Variants in ODR4 observed in about 807,000 individuals in gnomAD.
ODR4 encodes the protein odr-4 GPCR localization factor homolog, also known as protein odr-4 homolog.
Under a neutral mutation model 60.2 loss-of-function variants are expected in ODR4, and 47 were observed. That is an observed-to-expected ratio of 0.78 (90% CI 0.62 to 1.00). The LOEUF is 1.00. ODR4 is among the 50% of genes least tolerant of loss of function. ODR4 has a pLI of 0.00. For synonymous variants in ODR4, 178 were observed against 175.5 expected (o/e 1.01, Z -0.11); for missense variants, 488 against 530.8 (o/e 0.92, Z 0.79).
rs1158491390 is a variant in ODR4 at position 186,386,083 on chromosome 1, A to G, written c.330A>G (p.Arg110=). The G allele has an allele frequency of 8.4e-6, 13 of 1,555,622 alleles. No homozygotes were observed. The highest frequency in any genetic ancestry group is 1.1e-5 in the Non-Finnish European group (12 of 1,140,724). Residue 110 remains arginine (R), a splice_region_variant and synonymous_variant, in exon 4 of 14, where the codon AGA becomes AGG. Coordinates refer to ENST00000287859, the MANE Select transcript of ODR4 (RefSeq NM_017847.6). ...LANDFQNALR[R]LMFAVEKSIN... is the part of the protein sequence containing the mutation. Reference sequence around the variant, plus strand: ...ATGATTTTCAAAATGCCCTGCGTAGAGTAAGTTTGATATATCGAAAATTCT... The same window carrying G: ...ATGATTTTCAAAATGCCCTGCGTAGGGTAAGTTTGATATATCGAAAATTCT...
At chr1:186,377,374 A>C (rs1283748661) in intron 1 of ODR4, among the ~76,000 whole-genome samples, 1 of 152,216 alleles carries the variant, frequency 6.6e-6, no homozygotes, top group Non-Finnish European at 1.5e-5. Flanking sequence ...ATTTTGAAAG[A>C]GCACTAAAGA....
chr1:186,383,001 CT>C lies in ODR4; in HGVS notation c.100-16del, dbSNP rs1660098798. 1.9e-6 allele frequency: 3 copies of C among 1,570,140 alleles called. No homozygotes were observed. Among genetic ancestry groups the C allele is most frequent in the Non-Finnish European group, 1.7e-6 (2 of 1,157,978 alleles). On this transcript the variant is annotated intron_variant, in intron 2 of 13. Transcript: ENST00000287859. ...AGGAATCAGATATCACTCTAACAAG[CT>C]TTTTAATTTGTTGTTGAAGTGTTCG...
intron 4 of ODR4, among the ~76,000 whole-genome samples, chr1:186,387,090 G>T (rs569365695): frequency 6.6e-6 from 1 of 151,462 alleles, no homozygotes; most frequent in East Asian, 1.9e-4. Context: ...AACCCCAACA[G>T]TATCCCAGAA....
chr1:186,393,840 G>C, intron 8 of ODR4, 107 bp from the exon 9 acceptor site: 1 of 644,250 alleles, frequency 1.6e-6, no homozygotes, highest in Non-Finnish European at 2.7e-6. Context: ...ATAATTAAAA[G>C]ACTTGTTTTT....
At chr1:186,383,409 CAAAT>C (rs1660116712) in intron 3 of ODR4, among the ~76,000 whole-genome samples, 1 of 151,752 alleles carries the variant, frequency 6.6e-6, no homozygotes, top group Non-Finnish European at 1.5e-5. Context: ...TATATATCAT[CAAAT>C]AAATAATGTT....
chr1:186,390,220 G>T (rs946829998), intron 6 of ODR4, among the ~76,000 whole-genome samples: 11 of 152,180 alleles, frequency 7.2e-5, no homozygotes, highest in Non-Finnish European at 1.3e-4. Flanking sequence ...TTTGGTAGCT[G>T]CACTGCCTAT....
At chr1:186,423,762 C>G (rs953688532), downstream of ODR4, among the ~76,000 whole-genome samples, 1 of 152,036 alleles carries the variant, frequency 6.6e-6, no homozygotes, top group African/African-American at 2.4e-5. Context: ...GCCACCACTT[C>G]TATTTATCAT....
Position 186,389,247 on chromosome 1 carries a change from A to G in ODR4, c.438-341A>G, listed in dbSNP as rs907876203. Among the ~76,000 whole-genome samples the G allele has an allele frequency of 6.6e-5, 10 of 152,028 alleles. No individual in the cohort carries two copies. The South Asian group carries it at 1.9e-3, about 28-fold the overall frequency. ...AATAAATAGTCTCAGGTTTGACCTC[A>G]TATAAAACAGTGGTACTTTTTCTTA... On this transcript the variant is annotated intron_variant, in intron 5 of 13. Transcript: ENST00000287859.
intron 6 of ODR4, among the ~76,000 whole-genome samples, chr1:186,389,927 A>T (rs887051910): frequency 6.6e-6 from 1 of 152,120 alleles, no homozygotes; most frequent in African/African-American, 2.4e-5. Flanking sequence ...AGCTGAGACT[A>T]TAGATGTGCA....
At chr1:186,383,867 G>A (rs1003919859) in intron 3 of ODR4, among the ~76,000 whole-genome samples, 10 of 151,952 alleles carry the variant, frequency 6.6e-5, no homozygotes, top group African/African-American at 9.6e-5. Flanking sequence ...GTGAAACCCC[G>A]TCTCTAGTAA....
intron 1 of ODR4, among the ~76,000 whole-genome samples, chr1:186,376,292 G>T (rs1392419864): frequency 2.0e-5 from 3 of 152,174 alleles, no homozygotes; most frequent in South Asian, 4.2e-4. Flanking sequence ...ACATTATATT[G>T]TTTTTAAAAT....
intron 11 of ODR4, among the ~76,000 whole-genome samples, chr1:186,402,534 G>A (rs1408187353): frequency 6.6e-6 from 1 of 151,386 alleles, no homozygotes; most frequent in African/African-American, 2.4e-5. Context: ...TGAGTAGCTG[G>A]GACTACAGGC....
downstream of ODR4, among the ~76,000 whole-genome samples, chr1:186,422,629 A>G (rs1007254496): frequency 1.3e-5 from 2 of 152,172 alleles, no homozygotes; most frequent in African/African-American, 2.4e-5. Context: ...TTTTTTAAAT[A>G]TTACATTTAC....
intron 1 of ODR4, among the ~76,000 whole-genome samples, chr1:186,379,392 G>A (rs753886765): frequency 6.0e-5 from 9 of 148,842 alleles, no homozygotes; most frequent in East Asian, 2.0e-4. Context: ...ACAGTGTGCC[G>A]AGGTTGCGCC....
intron 13 of ODR4, among the ~76,000 whole-genome samples, chr1:186,418,801 T>C (rs957862559): frequency 3.3e-5 from 5 of 152,396 alleles, no homozygotes; most frequent in Middle Eastern, 3.4e-3. Flanking sequence ...TGTCCAACAT[T>C]TGAAATCTAG....
rs772236600 is a variant in ODR4 at position 186,406,266 on chromosome 1, C to T, written c.1184C>T (p.Thr395Ile). 1 of 1,595,956 alleles carries T rather than the reference C, an allele frequency of 6.3e-7. No homozygotes were observed. The highest frequency in any genetic ancestry group is 8.5e-7 in the Non-Finnish European group (1 of 1,171,386). ...TTGGAAATTGCAGAGGAAACAAACA[C>T]AGGTCATTATATGATGCTATTTAAG... ...EDLEIAEETN[T>I]ACMSSSMNSQ... is the part of the protein sequence containing the mutation. Residue 395 changes from threonine (T) to isoleucine (I), a missense_variant and splice_region_variant, in exon 12 of 14, where the codon ACA becomes ATA. Thr to Ile is a moderately conservative substitution (Grantham distance 89). Coordinates refer to ENST00000287859, the MANE Select transcript of ODR4 (RefSeq NM_017847.6).
rs1185478284 is a variant in ODR4, at chr1:186,394,106, G to A, written c.780+91G>A. Reference sequence around the variant, plus strand: ...TTATTTTTCTCATTAGAGAATAAAAGGATTTTAGAGCTGTAAGAGACTGTA... The same window carrying A: ...TTATTTTTCTCATTAGAGAATAAAAAGATTTTAGAGCTGTAAGAGACTGTA... On this transcript the variant is annotated intron_variant, in intron 9 of 13. Transcript: ENST00000287859. 6.4e-6 allele frequency: 5 copies of A among 778,884 alleles called. No homozygotes were observed. In the East Asian group the frequency reaches 1.4e-4, roughly 22 times the overall value. The allele number at this position is 778,884 out of a possible 1,614,324, so 48.2% of individuals were successfully genotyped here.
chr1:186,418,443 A>G (rs571392378), intron 13 of ODR4, among the ~76,000 whole-genome samples: 1 of 151,894 alleles, frequency 6.6e-6, no homozygotes, highest in African/African-American at 2.4e-5. Context: ...GGCGCCCGCC[A>G]CCGCGCCCGG....
chr1:186,424,644 C>G (rs1191833226), downstream of ODR4, among the ~76,000 whole-genome samples: 1 of 151,778 alleles, frequency 6.6e-6, no homozygotes, highest in Non-Finnish European at 1.5e-5. Flanking sequence ...ACTTTAGCTG[C>G]AGTTATCTAG....
Sources: gnomAD v4.1 joint callset for allele counts (sites outside exome capture counted in the v4.1 genomes callset) on GRCh38, gnomAD v4.1.1 for gene constraint, MANE v1.5 for transcripts, NCBI Gene and HGNC (gene_info 2026-07-23, HGNC 2026-07-21) for gene names.